Variants in TMC1 observed in about 807,000 individuals in gnomAD.
The protein encoded by TMC1 is transmembrane channel like 1.
In TMC1, 84 loss-of-function variants were observed where a neutral mutation model predicts 105.8. The ratio of observed to expected loss-of-function variants is 0.79; its 90% CI spans 0.67 to 0.95. The LOEUF is 0.95. TMC1 is among the 40% of genes least tolerant of loss of function. The pLI is 0.00. For missense variants in TMC1, 817 were observed against 914.1 expected, an observed-to-expected ratio of 0.89 and a Z score of 1.37; for synonymous variants, 315 against 311.5, an observed-to-expected ratio of 1.01 and a Z score of -0.12.
At chr9:72,656,888 A>G (rs987994399) in intron 5 of TMC1, among the ~76,000 whole-genome samples, 1 of 152,166 alleles carries the variant, frequency 6.6e-6, no homozygotes, top group Non-Finnish European at 1.5e-5. Flanking sequence ...GGCTACTTTG[A>G]TCTAGGAAAT....
chr9:72,548,123 G>T (rs1423901995), intron 1 of TMC1, among the ~76,000 whole-genome samples: 1 of 152,132 alleles, frequency 6.6e-6, no homozygotes, highest in East Asian at 1.9e-4. Context: ...AATTTTGGGG[G>T]TACACAAACA....
At chr9:72,794,050 C>T (rs1404974297) in intron 17 of TMC1, among the ~76,000 whole-genome samples, 1 of 152,092 alleles carries the variant, frequency 6.6e-6, no homozygotes, top group Non-Finnish European at 1.5e-5. Flanking sequence ...GGAGAGAAGG[C>T]CAGTCTGTCT....
intron 1 of TMC1, among the ~76,000 whole-genome samples, chr9:72,560,150 T>C (rs555034080): frequency 1.3e-5 from 2 of 152,330 alleles, no homozygotes; most frequent in East Asian, 3.9e-4. Context: ...ACACTCATTA[T>C]CCCAATATCC....
intron 12 of TMC1, among the ~76,000 whole-genome samples, chr9:72,763,937 T>C (rs1304831426): frequency 6.6e-6 from 1 of 152,054 alleles, no homozygotes; most frequent in African/African-American, 2.4e-5. Flanking sequence ...TATGACTAGG[T>C]TAGAGACTAA....
intron 17 of TMC1, among the ~76,000 whole-genome samples, chr9:72,799,950 A>G (rs1828442218): frequency 6.6e-6 from 1 of 152,188 alleles, no homozygotes; most frequent in South Asian, 2.1e-4. Context: ...CAGCAGAAGC[A>G]GAGGTTGGAA....
At chr9:72,700,713 C>T (rs1588038670) in intron 8 of TMC1, 70 bp downstream of exon 8, 6 of 321,028 alleles carry the variant, frequency 1.9e-5, no homozygotes, top group Admixed American at 7.7e-5. Context: ...CTGAATATTC[C>T]ATATATATAT....
intron 5 of TMC1, among the ~76,000 whole-genome samples, chr9:72,684,950 TGAG>T (rs1281605050): frequency 1.3e-5 from 2 of 152,116 alleles, no homozygotes; most frequent in Non-Finnish European, 2.9e-5. Flanking sequence ...CCAATTTGTA[TGAG>T]AAGGGCCAAC....
rs146558576 is a variant in TMC1 at position 72,792,348 on chromosome 9, G to T, written c.1562G>T (p.Gly521Val). ...GGACCTTGCTGGGAAACAATGGTGGGACAGGTAATGCCACCAACAGAAGTG... is the reference window on the plus strand; with the variant it reads ...GGACCTTGCTGGGAAACAATGGTGGTACAGGTAATGCCACCAACAGAAGTG... The part of the protein sequence containing the change: ...PRGPCWETMV[G>V]QEFVRLTVSD... Residue 521 changes from glycine to valine, a missense_variant, in exon 17 of 24, where the codon GGA (glycine) becomes GTA (valine). Coordinates refer to ENST00000297784, the MANE Select transcript of TMC1 (RefSeq NM_138691.3). The T allele has an allele frequency of 1.2e-6, 2 of 1,613,908 alleles. No individual in the cohort carries two copies. Among genetic ancestry groups the T allele is most frequent in the African/African-American group, 1.3e-5 (1 of 74,882 alleles).
intron 2 of TMC1, among the ~76,000 whole-genome samples, chr9:72,595,146 G>A (rs1236418013): frequency 3.3e-5 from 5 of 152,084 alleles, no homozygotes; most frequent in African/African-American, 4.8e-5. Context: ...AATTACAGGT[G>A]TGAGCCAACA....
chr9:72,532,724 T>G (rs951091765), intron 1 of TMC1, among the ~76,000 whole-genome samples: 7 of 152,184 alleles, frequency 4.6e-5, no homozygotes, highest in Admixed American at 2.6e-4. Flanking sequence ...TAGACTATGA[T>G]GAGGCTTCAA....
intron 15 of TMC1, among the ~76,000 whole-genome samples, chr9:72,790,949 C>G (rs147195901): frequency 7.2e-5 from 11 of 152,082 alleles, no homozygotes; most frequent in African/African-American, 1.4e-4. Context: ...ATTATTCACA[C>G]CACGAAGTCC....
chr9:72,728,668 G>T (rs1238192627), intron 8 of TMC1, among the ~76,000 whole-genome samples: 2 of 151,816 alleles, frequency 1.3e-5, no homozygotes, highest in African/African-American at 4.8e-5. Context: ...CCCAAATTTT[G>T]GTTTCCTTCT....
chr9:72,670,487 A>G (rs1340437154), intron 5 of TMC1, among the ~76,000 whole-genome samples: 2 of 152,204 alleles, frequency 1.3e-5, no homozygotes, highest in Non-Finnish European at 2.9e-5. Context: ...AGTAAGGTAA[A>G]ATTCATAATG....
At chr9:72,645,067 G>A (rs1825687801) in intron 4 of TMC1, among the ~76,000 whole-genome samples, 1 of 152,152 alleles carries the variant, frequency 6.6e-6, no homozygotes, top group African/African-American at 2.4e-5. Context: ...TTTAAGAACA[G>A]ATGATATGAT....
At chr9:72,649,499 C>G (rs1175151202) in intron 5 of TMC1, among the ~76,000 whole-genome samples, 2 of 152,140 alleles carry the variant, frequency 1.3e-5, no homozygotes, top group Non-Finnish European at 2.9e-5. Context: ...TAGAGATAAT[C>G]TAGTAAAGCC....
At chr9:72,689,803 G>A (rs546514811) in intron 6 of TMC1, among the ~76,000 whole-genome samples, 59 of 152,108 alleles carry the variant, frequency 3.9e-4, no homozygotes, top group African/African-American at 1.4e-3. Context: ...ATCATTTTCC[G>A]TTCCTTCACT....
intron 1 of TMC1, among the ~76,000 whole-genome samples, chr9:72,570,676 CTTTTTTTTTTTTTT>C (rs529953890): frequency 2.0e-4 from 15 of 75,648 alleles, no homozygotes; most frequent in African/African-American, 7.0e-4. Flanking sequence ...GCCAAATTTC[CTTTTTTTTTTTTTT>C]TTTTTTTTTT....
chr9:72,603,370 CCTT>C (rs140670171), intron 2 of TMC1, among the ~76,000 whole-genome samples: 3,850 of 143,732 alleles, frequency 0.027, 62 homozygotes, highest in Non-Finnish European at 0.035. Flanking sequence ...CTAACTTACT[CCTT>C]CTCTCTCCCC....
chr9:72,817,347 A>G (rs1199699258), intron 19 of TMC1: 1 of 152,162 alleles, frequency 6.6e-6, no homozygotes, highest in Non-Finnish European at 1.5e-5. Context: ...AGTATGACTC[A>G]CATGTCCAGA....
Sources: gnomAD v4.1 joint callset for allele counts (sites outside exome capture counted in the v4.1 genomes callset) on GRCh38, gnomAD v4.1.1 for gene constraint, MANE v1.5 for transcripts, NCBI Gene and HGNC (gene_info 2026-07-23, HGNC 2026-07-21) for gene names.